RELL1: variants seen among roughly 807,000 people sequenced by gnomAD.
The protein encoded by RELL1 is RELT like 1.
Under a neutral mutation model 23.0 loss-of-function variants are expected in RELL1, and 10 were observed. That is an observed-to-expected ratio of 0.43 (90% confidence interval 0.27 to 0.74). The LOEUF is 0.74. Among genes scored for constraint, RELL1 ranks in the 30% least tolerant of loss-of-function variants. The pLI is 0.19. For missense variants in RELL1, 315 were observed against 364.4 expected, an observed-to-expected ratio of 0.86 and a Z score of 1.10; for synonymous variants, 146 against 146.8, an observed-to-expected ratio of 0.99 and a Z score of 0.04.
intron 6 of RELL1, among the ~76,000 whole-genome samples, chr4:37,594,384 C>T (rs1322795386): frequency 6.6e-6 from 1 of 152,132 alleles, no homozygotes; most frequent in Admixed American, 6.5e-5. Flanking sequence ...AAGCACAATG[C>T]ACTCTGATTG....
At chr4:37,638,927 G>A (rs948728227) in intron 3 of RELL1, among the ~76,000 whole-genome samples, 5 of 152,102 alleles carry the variant, frequency 3.3e-5, no homozygotes, top group African/African-American at 1.2e-4. Context: ...TTTCATAAGT[G>A]ACCTATAGTC....
intron 6 of RELL1, among the ~76,000 whole-genome samples, chr4:37,622,267 T>A (rs570223681): frequency 1.3e-5 from 2 of 152,348 alleles, no homozygotes; most frequent in South Asian, 4.1e-4. Context: ...AAGGAGGGGC[T>A]TTATATACAC....
At chr4:37,642,737 G>A (rs902927927) in intron 3 of RELL1, among the ~76,000 whole-genome samples, 1 of 152,216 alleles carries the variant, frequency 6.6e-6, no homozygotes, top group Non-Finnish European at 1.5e-5. Context: ...TTAGAGGGTT[G>A]GAACTTTCAG....
At chr4:37,604,840 GACACACACACAGAC>G (rs1719127044) in intron 6 of RELL1, among the ~76,000 whole-genome samples, 10 of 37,880 alleles carry the variant, frequency 2.6e-4, no homozygotes, top group African/African-American at 8.9e-4. Context: ...CATACACACA[GACACACACACAGAC>G]ACACACACAC....
At chr4:37,647,619 A>G (rs1473444433) in intron 2 of RELL1, among the ~76,000 whole-genome samples, 180 bp from the exon 3 acceptor site, 1 of 152,240 alleles carries the variant, frequency 6.6e-6, no homozygotes, top group Non-Finnish European at 1.5e-5. Context: ...AACAAGCATA[A>G]AGAGAAAGTA....
chr4:37,630,665 G>T (rs371163606), intron 6 of RELL1, among the ~76,000 whole-genome samples: 1 of 151,860 alleles, frequency 6.6e-6, no homozygotes, highest in Non-Finnish European at 1.5e-5. Flanking sequence ...GTGAGCCACC[G>T]TGCCCAGCTG....
At position 37,684,349 on chromosome 4, in the gene RELL1, C is replaced by CA. The variant is rs372907719; in HGVS notation, c.88+1850dup. ...TTTCTTCTTCCGCATTAATTTTCAT[C>CA]AAAAAAAAAAAAAGGCTGTCATGCA... On this transcript the variant is annotated intron_variant, in intron 1 of 6. Coordinates refer to ENST00000454158, the MANE Select transcript of RELL1 (RefSeq NM_001085400.2). 9.9e-3 allele frequency among the ~76,000 whole-genome samples: 1,361 copies of CA among 137,684 alleles called. 13 individuals are homozygous for CA. Among genetic ancestry groups the CA allele is most frequent in the African/African-American group, 0.02 (780 of 38,072 alleles). The allele number at this position is 137,684 out of a possible 152,430, so 90.3% of individuals were successfully genotyped here.
chr4:37,604,902 C>CAT (rs1719141950), intron 6 of RELL1, among the ~76,000 whole-genome samples: 1 of 45,840 alleles, frequency 2.2e-5, no homozygotes, highest in Non-Finnish European at 4.9e-5. Flanking sequence ...CACACACAGA[C>CAT]ACACACACAC....
At chr4:37,656,875 C>T (rs928545667) in intron 1 of RELL1, among the ~76,000 whole-genome samples, 1 of 152,238 alleles carries the variant, frequency 6.6e-6, no homozygotes, top group African/African-American at 2.4e-5. Context: ...TCTTGGACTT[C>T]CCATCCTCCA....
chr4:37,597,071 A>G (rs770098227), intron 6 of RELL1, among the ~76,000 whole-genome samples: 65 of 151,656 alleles, frequency 4.3e-4, no homozygotes, highest in Non-Finnish European at 1.2e-4. Flanking sequence ...TTGAAAGCAC[A>G]TAGAGCATAC....
downstream of RELL1, chr4:37,590,501 T>C (rs1718546736): frequency 6.2e-7 from 1 of 1,614,038 alleles, no homozygotes; most frequent in South Asian, 1.1e-5. Context: ...GACTGTGTGC[T>C]GCTGGCCTCA....
In RELL1 at chr4:37,684,349, CA is replaced by C. The variant is rs372907719; in HGVS notation, c.88+1850del. On this transcript the variant is annotated intron_variant, in intron 1 of 6. Transcript: ENST00000454158. ...TTTCTTCTTCCGCATTAATTTTCATCAAAAAAAAAAAAAGGCTGTCATGCAA... is the reference window on the plus strand; with the variant it reads ...TTTCTTCTTCCGCATTAATTTTCATCAAAAAAAAAAAAGGCTGTCATGCAA... Among the ~76,000 whole-genome samples the C allele has an allele frequency of 4.8e-3, 660 of 137,258 alleles. 1 individual carries two copies. The highest frequency in any genetic ancestry group is 5.0e-3 in the African/African-American group (189 of 38,046). The allele number at this position is 137,258 out of a possible 152,430, so 90.0% of individuals were successfully genotyped here.
At chr4:37,608,830 C>G (rs756614937), downstream of RELL1, among the ~76,000 whole-genome samples, 2 of 151,914 alleles carry the variant, frequency 1.3e-5, no homozygotes, top group Non-Finnish European at 2.9e-5. Flanking sequence ...AGGGTTTCGC[C>G]GTGTTGGCCA....
rs750009629 is a variant in RELL1 at position 37,611,724 on chromosome 4, C to CAGTT, written c.*1618_*1621dup. Among the ~76,000 whole-genome samples, 2 of 145,126 alleles carry CAGTT rather than the reference C, an allele frequency of 1.4e-5. No individual in the cohort carries two copies. Among genetic ancestry groups the CAGTT allele is most frequent in the African/African-American group, 5.1e-5 (2 of 38,970 alleles). ...CCTTTCAGGTGTTTTGTAAAATGTA[C>CAGTT]AGTTATAAAAAAAAAAAAGAAAAAG... On this transcript the variant is annotated 3_prime_UTR_variant, in exon 7 of 7. Coordinates refer to ENST00000454158, the MANE Select transcript of RELL1 (RefSeq NM_001085400.2).
intron 6 of RELL1, among the ~76,000 whole-genome samples, chr4:37,628,142 T>G (rs970180443): frequency 6.6e-6 from 1 of 152,136 alleles, no homozygotes; most frequent in African/African-American, 2.4e-5. Flanking sequence ...GGCCTATACT[T>G]CATTGGGGTA....
At chr4:37,646,321 G>A (rs568137516) in intron 3 of RELL1, among the ~76,000 whole-genome samples, 1 of 152,240 alleles carries the variant, frequency 6.6e-6, no homozygotes, top group East Asian at 1.9e-4. Context: ...ATACATTTCA[G>A]GGTGAAAAAA....
intron 6 of RELL1, among the ~76,000 whole-genome samples, chr4:37,599,992 G>A (rs768953802): frequency 2.6e-5 from 4 of 152,138 alleles, no homozygotes; most frequent in Admixed American, 1.3e-4. Context: ...AATTTTGTCC[G>A]AGTACAGTGG....
intron 3 of RELL1, among the ~76,000 whole-genome samples, chr4:37,647,052 C>T (rs1008079818): frequency 2.0e-5 from 3 of 152,192 alleles, no homozygotes; most frequent in Non-Finnish European, 4.4e-5. Context: ...CCTCATTTTA[C>T]AGGAAGAAAC....
intron 4 of RELL1, among the ~76,000 whole-genome samples, chr4:37,636,807 C>T (rs749447378): frequency 2.6e-5 from 4 of 152,168 alleles, no homozygotes; most frequent in Non-Finnish European, 5.9e-5. Context: ...CCCAGAGACA[C>T]ACAGGAGGCT....
Sources: gnomAD v4.1 joint callset for allele counts (sites outside exome capture counted in the v4.1 genomes callset) on GRCh38, gnomAD v4.1.1 for gene constraint, MANE v1.5 for transcripts, NCBI Gene and HGNC (gene_info 2026-07-23, HGNC 2026-07-21) for gene names.